The following MTUS2 variants were observed in gnomAD, a reference collection of about 807,000 sequenced individuals.
MTUS2 encodes microtubule associated scaffold protein 2, also known as microtubule-associated tumor suppressor candidate 2.
A neutral mutation model predicts 114.1 loss-of-function variants in MTUS2; 40 were observed. The ratio of observed to expected loss-of-function variants is 0.35; its 90% CI spans 0.27 to 0.46. The LOEUF is 0.46. MTUS2 is among the 20% of genes least tolerant of loss of function. MTUS2 has a pLI of 1.00. For synonymous variants in MTUS2, 688 were observed against 672.0 expected, an observed-to-expected ratio of 1.02 and a Z score of -0.37; for missense variants, 1,679 against 1,705.4, an observed-to-expected ratio of 0.98 and a Z score of 0.27.
intron 8 of MTUS2, among the ~76,000 whole-genome samples, chr13:29,436,983 C>T (rs1877457492): frequency 6.6e-6 from 1 of 152,210 alleles, no homozygotes; most frequent in African/African-American, 2.4e-5. Flanking sequence ...CCCTCATAGT[C>T]AGCGCCATAC....
intron 4 of MTUS2, among the ~76,000 whole-genome samples, chr13:29,038,143 C>G (rs553506955): frequency 6.6e-6 from 1 of 152,326 alleles, no homozygotes; most frequent in African/African-American, 2.4e-5. Context: ...CCCTCATCTT[C>G]ATGGATTTAT....
intron 4 of MTUS2, among the ~76,000 whole-genome samples, chr13:29,034,981 T>G (rs1403051477): frequency 6.6e-6 from 1 of 152,198 alleles, no homozygotes; most frequent in Non-Finnish European, 1.5e-5. Flanking sequence ...AAAAATAATC[T>G]TAGTTGAGTT....
intron 6 of MTUS2, among the ~76,000 whole-genome samples, chr13:29,286,327 A>C (rs1435608278): frequency 1.3e-5 from 2 of 152,230 alleles, no homozygotes; most frequent in Non-Finnish European, 2.9e-5. Context: ...TATTTCCTTC[A>C]AAATAACCTA....
intron 11 of MTUS2, among the ~76,000 whole-genome samples, chr13:29,489,355 A>G (rs1457922266): frequency 6.6e-6 from 1 of 152,234 alleles, no homozygotes; most frequent in African/African-American, 2.4e-5. Context: ...AGTTTTTATT[A>G]TTGTTAAAAT....
intron 7 of MTUS2, among the ~76,000 whole-genome samples, chr13:29,338,747 AT>A (rs1428405734): frequency 6.6e-6 from 1 of 152,144 alleles, no homozygotes; most frequent in Admixed American, 6.5e-5. Context: ...GATTTCTATA[AT>A]TTTTTTAATA....
intron 9 of MTUS2, among the ~76,000 whole-genome samples, chr13:29,455,053 G>A (rs1393687600): frequency 6.6e-6 from 1 of 152,186 alleles, no homozygotes; most frequent in Non-Finnish European, 1.5e-5. Context: ...TTACTGCCTG[G>A]GGCTACTCAC....
At position 28,903,451 on chromosome 13, in the gene MTUS2, C is replaced by T. The variant is rs561395967; in HGVS notation, c.-243+63601C>T. 9.2e-5 allele frequency among the ~76,000 whole-genome samples: 12 copies of T among 129,740 alleles called. No individual in the cohort carries two copies. In the East Asian group the frequency reaches 2.6e-3, roughly 29 times the overall value. 85.1% of individuals were successfully genotyped at this position (129,740 alleles called of 152,430 possible). On this transcript the variant is annotated intron_variant, in intron 2 of 15. Coordinates refer to ENST00000612955, the MANE Select transcript of MTUS2 (RefSeq NM_001033602.4). ...ACAACAGGCCCTGGTGTGTGATGTT[C>T]CCCTTCCTGTGTCCATGTGTTCTCA... is the stretch of plus-strand genomic sequence containing the variant.
At chr13:28,942,133 CACTT>C (rs1882272223) in intron 2 of MTUS2, among the ~76,000 whole-genome samples, 1 of 152,124 alleles carries the variant, frequency 6.6e-6, no homozygotes, top group South Asian at 2.1e-4. Flanking sequence ...TTAAATAACT[CACTT>C]AAAGCAGTAA....
intron 4 of MTUS2, among the ~76,000 whole-genome samples, chr13:29,077,022 A>G (rs1386744288): frequency 1.3e-5 from 2 of 152,166 alleles, no homozygotes; most frequent in Non-Finnish European, 2.9e-5. Flanking sequence ...TTTTATCCTC[A>G]TTTTTCATGT....
At chr13:29,348,103 T>C (rs1868890343) in intron 7 of MTUS2, among the ~76,000 whole-genome samples, 2 of 152,132 alleles carry the variant, frequency 1.3e-5, no homozygotes, top group South Asian at 4.2e-4. Context: ...GACTGATTCT[T>C]AACTCAATCT....
At chr13:29,261,341 C>T (rs1897464347) in intron 5 of MTUS2, among the ~76,000 whole-genome samples, 1 of 152,060 alleles carries the variant, frequency 6.6e-6, no homozygotes, top group Non-Finnish European at 1.5e-5. Context: ...TCTCGCAGTC[C>T]CTGAAGTGTT....
chr13:29,009,983 G>A (rs547806121), intron 2 of MTUS2, among the ~76,000 whole-genome samples: 17 of 152,074 alleles, frequency 1.1e-4, no homozygotes, highest in East Asian at 1.9e-4. Context: ...AGGCTGAGGC[G>A]GACAGATCAC....
intron 10 of MTUS2, among the ~76,000 whole-genome samples, chr13:29,482,883 C>G (rs1322123790): frequency 6.6e-6 from 1 of 152,234 alleles, no homozygotes; most frequent in African/African-American, 2.4e-5. Context: ...TGCTGCAGAA[C>G]GTTGGCTGTT....
At chr13:29,467,270 T>C (rs1205213012) in intron 9 of MTUS2, among the ~76,000 whole-genome samples, 9 of 152,228 alleles carry the variant, frequency 5.9e-5, no homozygotes, top group Non-Finnish European at 1.2e-4. Context: ...AAGCTCTTTC[T>C]AAAAGGGATG....
At chr13:29,376,835 A>G (rs1871787578) in intron 8 of MTUS2, among the ~76,000 whole-genome samples, 1 of 152,226 alleles carries the variant, frequency 6.6e-6, no homozygotes, top group African/African-American at 2.4e-5. Flanking sequence ...TATGTGTGGC[A>G]ATAATGACTA....
At chr13:29,204,063 G>A (rs1311055854) in intron 5 of MTUS2, among the ~76,000 whole-genome samples, 1 of 151,978 alleles carries the variant, frequency 6.6e-6, no homozygotes, top group Middle Eastern at 3.4e-3. Context: ...AGTTTCAGGT[G>A]ATTCTCCTGC....
chr13:28,856,685 A>G lies in MTUS2; in HGVS notation c.-243+16835A>G, dbSNP rs1876649990. 2.0e-5 allele frequency among the ~76,000 whole-genome samples: 3 copies of G among 152,174 alleles called. No individual in the cohort carries two copies. The South Asian group carries it at 6.2e-4, about 31-fold the overall frequency. Reference sequence around the variant, plus strand: ...TGACAGATTTGTTTACGGAATATCAAGTTGTGCATTTACGGCTGGCTAGCC... The same window carrying G: ...TGACAGATTTGTTTACGGAATATCAGGTTGTGCATTTACGGCTGGCTAGCC... On this transcript the variant is annotated intron_variant, in intron 2 of 15. Coordinates refer to ENST00000612955, the MANE Select transcript of MTUS2 (RefSeq NM_001033602.4).
At chr13:29,352,043 C>T (rs1869333354) in intron 7 of MTUS2, among the ~76,000 whole-genome samples, 1 of 152,162 alleles carries the variant, frequency 6.6e-6, no homozygotes, top group African/African-American at 2.4e-5. Context: ...TGCCTATTCT[C>T]TTTTTGCATG....
chr13:29,097,306 T>C (rs1890218653), intron 4 of MTUS2, among the ~76,000 whole-genome samples: 1 of 152,170 alleles, frequency 6.6e-6, no homozygotes, highest in Non-Finnish European at 1.5e-5. Context: ...CTTTAAATGG[T>C]GGTTGTTATT....
Sources: allele counts gnomAD v4.1 joint callset (sites outside exome capture counted in the v4.1 genomes callset), GRCh38; gene constraint gnomAD v4.1.1; transcripts MANE v1.5; gene names NCBI Gene and HGNC (gene_info 2026-07-23, HGNC 2026-07-21).